MTUS2: variants seen among roughly 807,000 people sequenced by gnomAD.
The protein encoded by MTUS2 is microtubule-associated tumor suppressor candidate 2.
A neutral mutation model predicts 114.1 loss-of-function variants in MTUS2; 40 were observed. That is an observed-to-expected ratio of 0.35 (90% CI 0.27 to 0.46). The LOEUF (loss-of-function observed/expected upper bound fraction) is 0.46. Among genes scored for constraint, MTUS2 ranks in the 20% least tolerant of loss-of-function variants. The pLI, the probability that MTUS2 is intolerant of heterozygous loss-of-function variation, is 1.00. For synonymous variants in MTUS2, 688 were observed against 672.0 expected (o/e 1.02, Z -0.37); for missense variants, 1,679 against 1,705.4 (o/e 0.98, Z 0.27).
At chr13:28,865,317 A>T (rs1200760857) in intron 2 of MTUS2, among the ~76,000 whole-genome samples, 1 of 152,170 alleles carries the variant, frequency 6.6e-6, no homozygotes, top group Non-Finnish European at 1.5e-5. Context: ...ATCGCTTCAG[A>T]GTAATGAGCA....
chr13:28,905,841 C>T (rs931043785), intron 2 of MTUS2, among the ~76,000 whole-genome samples: 1 of 151,522 alleles, frequency 6.6e-6, no homozygotes, highest in African/African-American at 2.4e-5. Context: ...AGCAGCTCCT[C>T]CTTGTACCTC....
At chr13:29,049,535 C>T (rs778915633) in intron 4 of MTUS2, among the ~76,000 whole-genome samples, 1 of 152,222 alleles carries the variant, frequency 6.6e-6, no homozygotes, top group Non-Finnish European at 1.5e-5. Context: ...TCTCCTCTCT[C>T]GTTCCAAAAC....
intron 6 of MTUS2, among the ~76,000 whole-genome samples, chr13:29,324,294 TA>T (rs1034093411): frequency 6.6e-6 from 1 of 152,190 alleles, no homozygotes; most frequent in African/African-American, 2.4e-5. Flanking sequence ...GCTGAGGATG[TA>T]AAATTTTAAT....
At chr13:28,966,623 G>T (rs1883595766) in intron 2 of MTUS2, among the ~76,000 whole-genome samples, 1 of 151,192 alleles carries the variant, frequency 6.6e-6, no homozygotes, top group Admixed American at 6.6e-5. Flanking sequence ...TACTTAGGAG[G>T]CTGAGGCAGG....
At chr13:28,897,295 A>G (rs1879336728) in intron 2 of MTUS2, among the ~76,000 whole-genome samples, 1 of 152,354 alleles carries the variant, frequency 6.6e-6, no homozygotes, top group Non-Finnish European at 1.5e-5. Flanking sequence ...AACACATGAA[A>G]AAATGCTCAT....
intron 5 of MTUS2, among the ~76,000 whole-genome samples, chr13:29,212,244 A>G (rs1448000527): frequency 1.3e-5 from 2 of 151,602 alleles, no homozygotes; most frequent in African/African-American, 4.9e-5. Flanking sequence ...ATATTTAGGG[A>G]CCTCTCAGGG....
At chr13:29,065,708 G>T (rs757372959) in intron 4 of MTUS2, among the ~76,000 whole-genome samples, 8 of 152,170 alleles carry the variant, frequency 5.3e-5, no homozygotes, top group Non-Finnish European at 1.0e-4. Flanking sequence ...TGGAGAGGCT[G>T]TGCAGTCTCC....
At chr13:29,072,433 C>T (rs1888983667) in intron 4 of MTUS2, among the ~76,000 whole-genome samples, 1 of 152,150 alleles carries the variant, frequency 6.6e-6, no homozygotes. Flanking sequence ...TGACCAGCAT[C>T]TCTGAGGGTG....
chr13:29,147,576 A>G (rs962626052), intron 5 of MTUS2, among the ~76,000 whole-genome samples: 1 of 151,868 alleles, frequency 6.6e-6, no homozygotes, highest in East Asian at 1.9e-4. Context: ...TTTTTCAACC[A>G]TTTCCCTTCT....
At chr13:28,877,370 C>A (rs150113183) in intron 2 of MTUS2, among the ~76,000 whole-genome samples, 3 of 150,688 alleles carry the variant, frequency 2.0e-5, no homozygotes, top group Non-Finnish European at 4.4e-5. Context: ...GTTGTTATTT[C>A]GCTATTAATG....
At chr13:29,404,192 A>AAG (rs60381516) in intron 8 of MTUS2, among the ~76,000 whole-genome samples, 2 of 149,944 alleles carry the variant, frequency 1.3e-5, no homozygotes, top group East Asian at 1.9e-4. Context: ...AAAAAAAAAA[A>AAG]GTACAAAAAT....
rs1042010072 is a variant in MTUS2, at chr13:29,503,275, C to A, written c.*69C>A. The A allele has an allele frequency of 2.6e-6, 4 of 1,548,502 alleles. No individual in the cohort carries two copies. The African/African-American group carries it at 4.1e-5, about 16-fold the overall frequency. On this transcript the variant is annotated 3_prime_UTR_variant, in exon 16 of 16. Coordinates refer to ENST00000612955, the MANE Select transcript of MTUS2 (RefSeq NM_001033602.4). ...GTCTCCACCCTGAGGGAGCACCGAC[C>A]CGGTGCCGCCGGAGCTGGCCCTGTG...
At chr13:29,289,789 A>G (rs921873132) in intron 6 of MTUS2, among the ~76,000 whole-genome samples, 5 of 152,140 alleles carry the variant, frequency 3.3e-5, no homozygotes, top group Admixed American at 6.5e-5. Context: ...CATAAAGGCT[A>G]TTTGAGTTTT....
At chr13:28,925,132 T>A (rs566913804) in intron 2 of MTUS2, among the ~76,000 whole-genome samples, 1 of 152,236 alleles carries the variant, frequency 6.6e-6, no homozygotes, top group African/African-American at 2.4e-5. Context: ...AGCAAGGCAG[T>A]TTTGGATCAT....
chr13:29,115,374 C>T (rs1891047017), intron 5 of MTUS2, among the ~76,000 whole-genome samples: 1 of 152,174 alleles, frequency 6.6e-6, no homozygotes, highest in South Asian at 2.1e-4. Flanking sequence ...ATCAAGGAGT[C>T]CTATGTGCAT....
intron 2 of MTUS2, among the ~76,000 whole-genome samples, chr13:28,977,521 G>C (rs1399247524): frequency 6.6e-6 from 1 of 152,146 alleles, no homozygotes; most frequent in Non-Finnish European, 1.5e-5. Flanking sequence ...TAACCTACGA[G>C]GTAATTGGTT....
chr13:29,372,715 AT>A (rs879401440), intron 8 of MTUS2, among the ~76,000 whole-genome samples: 171 of 152,112 alleles, frequency 1.1e-3, no homozygotes, highest in Non-Finnish European at 2.0e-3. Flanking sequence ...TATGATCTGG[AT>A]TTTTTTTCTT....
intron 2 of MTUS2, among the ~76,000 whole-genome samples, chr13:28,858,960 G>A (rs1876803094): frequency 6.6e-6 from 1 of 152,140 alleles, no homozygotes; most frequent in African/African-American, 2.4e-5. Flanking sequence ...AGAGAGGAGT[G>A]GGAAACGGTA....
chr13:29,381,924 C>G (rs1036423444), intron 8 of MTUS2, among the ~76,000 whole-genome samples: 1 of 152,180 alleles, frequency 6.6e-6, no homozygotes, highest in Non-Finnish European at 1.5e-5. Context: ...AATACTCTAT[C>G]ACGTTGTGCT....
Sources: gnomAD v4.1 joint callset for allele counts (sites outside exome capture counted in the v4.1 genomes callset) on GRCh38, gnomAD v4.1.1 for gene constraint, MANE v1.5 for transcripts, NCBI Gene and HGNC (gene_info 2026-07-23, HGNC 2026-07-21) for gene names.